The following ARHGEF12 variants were observed in gnomAD, a reference collection of about 807,000 sequenced individuals.
The protein encoded by ARHGEF12 is Rho guanine nucleotide exchange factor 12, also known as KMT2A/ARHGEF12 fusion protein.
Under a neutral mutation model 211.2 loss-of-function variants are expected in ARHGEF12, and 66 were observed. The observed-to-expected ratio is 0.31, with a 90% CI of 0.26 to 0.38. ARHGEF12 has a LOEUF of 0.38. ARHGEF12 is among the 10% of genes least tolerant of loss of function. The pLI, the probability that ARHGEF12 is intolerant of heterozygous loss-of-function variation, is 1.00. For missense variants in ARHGEF12, 1,429 were observed against 1,869.5 expected (o/e 0.76, Z 4.34); for synonymous variants, 592 against 638.4 (o/e 0.93, Z 1.09).
At chr11:120,409,721 G>A in intron 4 of ARHGEF12, 2 of 321,228 alleles carry the variant, frequency 6.2e-6, no homozygotes, top group Non-Finnish European at 1.2e-5. Context: ...GTAGGAAGGT[G>A]ATTATCTCTA....
chr11:120,337,054 C>G lies in ARHGEF12; in HGVS notation c.-190C>G. The G allele has an allele frequency of 1.5e-6, 1 of 646,896 alleles. No individual in the cohort carries two copies. The highest frequency in any genetic ancestry group is 2.8e-6 in the Non-Finnish European group (1 of 363,358). 40.1% of individuals were successfully genotyped at this position (646,896 alleles called of 1,614,324 possible). On this transcript the variant is annotated 5_prime_UTR_variant, in exon 1 of 41. Coordinates refer to ENST00000397843, the MANE Select transcript of ARHGEF12 (RefSeq NM_015313.3). ...TTTCTCAGTTCGTTTTGGGAGATAA[C>G]TTGTTTTGCTCCAAGCCGCATCCGT...
At chr11:120,459,644 C>A (rs1027312901) in intron 26 of ARHGEF12, among the ~76,000 whole-genome samples, 6 of 151,866 alleles carry the variant, frequency 4.0e-5, no homozygotes, top group African/African-American at 1.2e-4. Flanking sequence ...TAATAATATA[C>A]GTATAAATGT....
chr11:120,446,069 G>A (rs1325781468), intron 16 of ARHGEF12, among the ~76,000 whole-genome samples: 1 of 149,684 alleles, frequency 6.7e-6, no homozygotes, highest in East Asian at 2.0e-4. Flanking sequence ...GTGGTGGCGG[G>A]CGCCTGTTGT....
intron 18 of ARHGEF12, among the ~76,000 whole-genome samples, chr11:120,447,599 C>T (rs536827723): frequency 4.0e-5 from 6 of 151,782 alleles, no homozygotes; most frequent in African/African-American, 1.5e-4. Context: ...GGGCGGATTA[C>T]GTAAGGCCAA....
Position 120,374,909 on chromosome 11 carries a change from T to A in ARHGEF12, c.33-31209T>A, listed in dbSNP as rs190070609. 3.9e-4 allele frequency among the ~76,000 whole-genome samples: 59 copies of A among 152,282 alleles called. No homozygotes were observed. The East Asian group carries it at 9.3e-3, about 24-fold the overall frequency. ...ATACAGGTATTCTGTACTTTGAAATTTCATAAATTTTTGGATATCAACTCT... is the reference window on the plus strand; with the variant it reads ...ATACAGGTATTCTGTACTTTGAAATATCATAAATTTTTGGATATCAACTCT... On this transcript the variant is annotated intron_variant, in intron 1 of 40. Transcript: ENST00000397843.
At chr11:120,356,479 A>G (rs1943133693) in intron 1 of ARHGEF12, among the ~76,000 whole-genome samples, 1 of 152,092 alleles carries the variant, frequency 6.6e-6, no homozygotes, top group African/African-American at 2.4e-5. Flanking sequence ...CAGCCTCCCA[A>G]AAGAGCTAGG....
chr11:120,478,585 T>C (rs549522035), intron 37 of ARHGEF12, among the ~76,000 whole-genome samples, 196 bp downstream of exon 37: 27 of 152,316 alleles, frequency 1.8e-4, no homozygotes, highest in Middle Eastern at 6.8e-3. Context: ...CCCTGCCTGG[T>C]TCAGAATCAC....
intron 4 of ARHGEF12, among the ~76,000 whole-genome samples, chr11:120,417,505 ATTT>A (rs34950022): frequency 2.3e-5 from 3 of 130,952 alleles, no homozygotes; most frequent in African/African-American, 2.9e-5. Context: ...TAGTCTAATA[ATTT>A]TTTTTTTTTT....
chr11:120,410,027 G>A (rs1201769966), intron 4 of ARHGEF12: 2 of 152,132 alleles, frequency 1.3e-5, no homozygotes, highest in African/African-American at 2.4e-5. Context: ...AAGAATTTGT[G>A]CCTTTGAGAA....
chr11:120,469,939 G>T (rs1386672734), intron 30 of ARHGEF12, among the ~76,000 whole-genome samples: 6 of 152,198 alleles, frequency 3.9e-5, no homozygotes, highest in African/African-American at 1.4e-4. Context: ...CCAAAATGAT[G>T]TGAAGGGTGC....
intron 1 of ARHGEF12, among the ~76,000 whole-genome samples, chr11:120,394,051 A>T (rs913493843): frequency 8.5e-5 from 13 of 152,184 alleles, no homozygotes; most frequent in Non-Finnish European, 1.9e-4. Context: ...AAATAACACA[A>T]TTCTTAGTCA....
intron 1 of ARHGEF12, 43 bp from the exon 2 acceptor site, chr11:120,406,075 A>G (rs766151639): frequency 1.4e-6 from 2 of 1,434,830 alleles, no homozygotes; most frequent in East Asian, 2.5e-5. Context: ...AAAATCTTAC[A>G]AGTAAAGTAA....
At chr11:120,469,930 C>G (rs1388102859) in intron 30 of ARHGEF12, among the ~76,000 whole-genome samples, 1 of 152,040 alleles carries the variant, frequency 6.6e-6, no homozygotes, top group Non-Finnish European at 1.5e-5. Flanking sequence ...GGAAGTGAAC[C>G]AAAATGATGT....
chr11:120,391,443 G>C (rs1156964080), intron 1 of ARHGEF12, among the ~76,000 whole-genome samples: 1 of 152,210 alleles, frequency 6.6e-6, no homozygotes, highest in Non-Finnish European at 1.5e-5. Context: ...ATCTAGCAGG[G>C]TCTTCCTGCC....
chr11:120,460,889 A>C, intron 27 of ARHGEF12, 132 bp downstream of exon 27: 1 of 762,334 alleles, frequency 1.3e-6, no homozygotes, highest in Non-Finnish European at 2.2e-6. Flanking sequence ...GAGAAAGGTC[A>C]AGCAGTAGAT....
At chr11:120,463,306 A>T (rs1591625587) in intron 27 of ARHGEF12, 1 of 152,390 alleles carries the variant, frequency 6.6e-6, no homozygotes, top group South Asian at 2.1e-4. Flanking sequence ...CAGGCAGATC[A>T]CCTGAGGTCA....
chr11:120,389,963 A>G (rs936815695), intron 1 of ARHGEF12, among the ~76,000 whole-genome samples: 12 of 152,162 alleles, frequency 7.9e-5, no homozygotes, highest in African/African-American at 2.7e-4. Flanking sequence ...AATCTTGGCT[A>G]TTGTGAATAA....
chr11:120,477,437 T>TTTTTG lies in ARHGEF12; in HGVS notation c.3453-9_3453-8insTTTGT. On this transcript the variant is annotated splice_polypyrimidine_tract_variant and intron_variant, in intron 35 of 40. Transcript: ENST00000397843. ...GGTAAAAGTTTTTTTTTTTTTTTTT[T>TTTTTG]TCTCTACAGAGGAGATAATGATGAA... 6.3e-7 allele frequency: 1 copy of TTTTTG among 1,577,088 alleles called. No homozygotes were observed.
rs374165764 is a variant in ARHGEF12, at chr11:120,478,232, A to G, written c.3609A>G (p.Ser1203=). ...ATTCACTGAGTACCTCTGGGAAATC[A>G]GAGGTACGTGATCTGTTTGTGGCTG... The part of the protein sequence containing the change: ...QSHSLSTSGK[S]EVRDLFVAER... Residue 1203 remains serine (S), a synonymous_variant, in exon 37 of 41, where the codon TCA becomes TCG. Coordinates refer to ENST00000397843, the MANE Select transcript of ARHGEF12 (RefSeq NM_015313.3). The G allele has an allele frequency of 4.3e-6, 7 of 1,614,202 alleles. No homozygotes were observed. The highest frequency in any genetic ancestry group is 5.9e-6 in the Non-Finnish European group (7 of 1,180,044).
Sources: allele counts gnomAD v4.1 joint callset (sites outside exome capture counted in the v4.1 genomes callset), GRCh38; gene constraint gnomAD v4.1.1; transcripts MANE v1.5; gene names NCBI Gene and HGNC (gene_info 2026-07-23, HGNC 2026-07-21).